The following SUPT3H variants were observed in gnomAD, a reference collection of about 807,000 sequenced individuals.
The protein encoded by SUPT3H is transcription initiation protein SPT3 homolog.
SUPT3H carries 44 observed loss-of-function variants against 44.3 expected under a neutral mutation model. That is an observed-to-expected ratio of 0.99 (90% CI 0.78 to 1.28). The LOEUF (loss-of-function observed/expected upper bound fraction) is 1.28. Among genes scored for constraint, SUPT3H ranks in the 50% most tolerant of loss-of-function variants. The pLI, the probability that SUPT3H is intolerant of heterozygous loss-of-function variation, is 0.00. For missense variants in SUPT3H, 380 were observed against 387.1 expected, an observed-to-expected ratio of 0.98 and a Z score of 0.15; for synonymous variants, 124 against 125.6, an observed-to-expected ratio of 0.99 and a Z score of 0.09.
intron 3 of SUPT3H, among the ~76,000 whole-genome samples, chr6:45,067,889 G>T (rs1413584075): frequency 1.4e-5 from 2 of 147,356 alleles, no homozygotes; most frequent in African/African-American, 2.6e-5. Context: ...TTCAACCATT[G>T]TGGAAGTCAG....
chr6:45,374,476 G>A (rs537153802), intron 1 of SUPT3H, among the ~76,000 whole-genome samples: 1 of 152,332 alleles, frequency 6.6e-6, no homozygotes, highest in African/African-American at 2.4e-5. Context: ...GGAAGCAGCA[G>A]AGCGAGAACT....
intron 2 of SUPT3H, among the ~76,000 whole-genome samples, chr6:45,254,303 C>T (rs1208956101): frequency 1.3e-5 from 2 of 152,150 alleles, no homozygotes; most frequent in African/African-American, 2.4e-5. Flanking sequence ...TTAGAGGAGG[C>T]ACACAATTTA....
At chr6:45,331,159 ATGTC>A (rs1372456800) in intron 2 of SUPT3H, among the ~76,000 whole-genome samples, 6 of 151,626 alleles carry the variant, frequency 4.0e-5, no homozygotes, top group African/African-American at 9.7e-5. Flanking sequence ...GAGAAAGAGT[ATGTC>A]TGTGTCCTTG....
At chr6:44,933,391 A>C (rs929378253) in intron 9 of SUPT3H, among the ~76,000 whole-genome samples, 2 of 152,170 alleles carry the variant, frequency 1.3e-5, no homozygotes, top group African/African-American at 4.8e-5. Flanking sequence ...ATTATTTGCG[A>C]TGAGAGTGTG....
At chr6:44,944,591 T>C (rs569218740) in intron 9 of SUPT3H, among the ~76,000 whole-genome samples, 1 of 150,170 alleles carries the variant, frequency 6.7e-6, no homozygotes, top group African/African-American at 2.4e-5. Context: ...AAACCCTGTC[T>C]CTACAAAAAA....
At chr6:45,004,823 G>A (rs1040882277) in intron 5 of SUPT3H, among the ~76,000 whole-genome samples, 4 of 151,976 alleles carry the variant, frequency 2.6e-5, no homozygotes, top group African/African-American at 7.2e-5. Context: ...ATGTTTCTTC[G>A]TCAATTAGGA....
intron 2 of SUPT3H, among the ~76,000 whole-genome samples, chr6:45,192,359 A>G (rs973826828): frequency 1.3e-5 from 2 of 152,146 alleles, no homozygotes; most frequent in African/African-American, 4.8e-5. Context: ...CTGTTTGAAA[A>G]AGCAAAAATC....
At position 45,058,734 on chromosome 6, in the gene SUPT3H, C is replaced by T. The variant is rs73737870; in HGVS notation, c.187-38102G>A. On this transcript the variant is annotated intron_variant, in intron 3 of 10. Coordinates refer to ENST00000371459, the MANE Select transcript of SUPT3H (RefSeq NM_003599.4). ...ATGATTCATTATCCCTTCCCCTGCC[C>T]CATCATTTTTAGCTCTAGCCAAACT... Among the ~76,000 whole-genome samples, 595 of 152,176 alleles carry T rather than the reference C, an allele frequency of 3.9e-3. 7 individuals are homozygous for T. Among genetic ancestry groups the T allele is most frequent in the African/African-American group, 0.014 (567 of 41,542 alleles).
At chr6:45,157,036 C>T (rs1308508578) in intron 2 of SUPT3H, among the ~76,000 whole-genome samples, 1 of 152,120 alleles carries the variant, frequency 6.6e-6, no homozygotes, top group Non-Finnish European at 1.5e-5. Flanking sequence ...AATGCAACTT[C>T]CAATAATTTT....
chr6:45,008,595 T>C (rs935415932), intron 5 of SUPT3H, among the ~76,000 whole-genome samples: 1 of 151,974 alleles, frequency 6.6e-6, no homozygotes, highest in African/African-American at 2.4e-5. Context: ...CTTAAAGTGA[T>C]CCTCCTGCCT....
chr6:44,950,311 A>G (rs946186134), intron 9 of SUPT3H, among the ~76,000 whole-genome samples: 2 of 152,198 alleles, frequency 1.3e-5, no homozygotes, highest in Non-Finnish European at 2.9e-5. Flanking sequence ...ATTCCTTATC[A>G]GTCACATCAC....
chr6:45,206,643 T>C (rs988147), intron 2 of SUPT3H, among the ~76,000 whole-genome samples: 94,911 of 151,850 alleles, frequency 0.63, 30,384 homozygotes, highest in African/African-American at 0.78. Flanking sequence ...GGAGCAAAAG[T>C]AGTTGCAGAA....
intron 9 of SUPT3H, among the ~76,000 whole-genome samples, chr6:44,936,280 T>C (rs1245711976): frequency 6.6e-6 from 1 of 152,248 alleles, no homozygotes; most frequent in Non-Finnish European, 1.5e-5. Context: ...AATTTTCTCA[T>C]TTAAAAGTTT....
chr6:45,280,972 G>A (rs2088329852), intron 2 of SUPT3H, among the ~76,000 whole-genome samples: 1 of 152,146 alleles, frequency 6.6e-6, no homozygotes, highest in African/African-American at 2.4e-5. Flanking sequence ...AATAAAGGGG[G>A]AAAACTGCAC....
intron 10 of SUPT3H, among the ~76,000 whole-genome samples, chr6:44,860,921 G>A (rs1411665959): frequency 6.6e-6 from 1 of 151,962 alleles, no homozygotes; most frequent in Non-Finnish European, 1.5e-5. Flanking sequence ...ATAAGAGTGA[G>A]GAATTTCTGT....
chr6:44,960,401 CAG>C (rs1775846236), intron 7 of SUPT3H, among the ~76,000 whole-genome samples: 1 of 121,244 alleles, frequency 8.2e-6, no homozygotes, highest in African/African-American at 3.2e-5. Flanking sequence ...GACTGGGCAA[CAG>C]AGTGAGATTC....
At chr6:45,053,871 C>T (rs868609958) in intron 3 of SUPT3H, among the ~76,000 whole-genome samples, 4 of 148,200 alleles carry the variant, frequency 2.7e-5, no homozygotes, top group Non-Finnish European at 5.9e-5. Context: ...GCTGAGGTCA[C>T]GCCACTGCAC....
chr6:45,108,523 T>A (rs75272024), intron 2 of SUPT3H, among the ~76,000 whole-genome samples: 2 of 152,178 alleles, frequency 1.3e-5, no homozygotes, highest in African/African-American at 4.8e-5. Context: ...AGGAAAGGAA[T>A]AGCTCAATAT....
At chr6:44,927,704 T>G (rs908370451) in intron 10 of SUPT3H, among the ~76,000 whole-genome samples, 15 of 152,264 alleles carry the variant, frequency 9.9e-5, no homozygotes, top group Non-Finnish European at 1.9e-4. Context: ...TAGCCGTTAT[T>G]AATCCAAAGA....
Sources: gnomAD v4.1 joint callset for allele counts (sites outside exome capture counted in the v4.1 genomes callset) on GRCh38, gnomAD v4.1.1 for gene constraint, MANE v1.5 for transcripts, NCBI Gene and HGNC (gene_info 2026-07-23, HGNC 2026-07-21) for gene names.